CHRM2: variants seen among roughly 807,000 people sequenced by gnomAD.
CHRM2 encodes the protein muscarinic acetylcholine receptor M2.
CHRM2 carries 8 observed loss-of-function variants against 25.0 expected under a neutral mutation model. The ratio of observed to expected loss-of-function variants is 0.32; its 90% CI spans 0.19 to 0.58. The LOEUF (loss-of-function observed/expected upper bound fraction) is 0.58, where lower values mean the gene tolerates loss of function less well. Among genes scored for constraint, CHRM2 ranks in the 20% least tolerant of loss-of-function variants. The pLI is 0.88. For synonymous variants in CHRM2, 202 were observed against 205.7 expected (o/e 0.98, Z 0.15); for missense variants, 440 against 567.1 (o/e 0.78, Z 2.28).
intron 2 of CHRM2, among the ~76,000 whole-genome samples, chr7:136,878,599 A>C (rs1387049136): frequency 1.3e-5 from 2 of 152,042 alleles, no homozygotes; most frequent in Non-Finnish European, 2.9e-5. Flanking sequence ...GGCAACAAAA[A>C]CCACGAAATG....
At chr7:136,911,039 A>G (rs551429269) in intron 2 of CHRM2, among the ~76,000 whole-genome samples, 1 of 152,034 alleles carries the variant, frequency 6.6e-6, no homozygotes, top group South Asian at 2.1e-4. Flanking sequence ...CTTCCACTCA[A>G]ATAGGCTTAG....
intron 2 of CHRM2, among the ~76,000 whole-genome samples, chr7:136,940,153 C>T (rs1405895727): frequency 1.3e-5 from 2 of 152,270 alleles, no homozygotes; most frequent in African/African-American, 4.8e-5. Flanking sequence ...ACATTACCTG[C>T]TAAGTTTCAA....
At chr7:137,003,179 C>A (rs1804168615) in intron 3 of CHRM2, among the ~76,000 whole-genome samples, 1 of 152,070 alleles carries the variant, frequency 6.6e-6, no homozygotes, top group South Asian at 2.1e-4. Context: ...TTTCTGCCAG[C>A]AAATCTCTTA....
At chr7:136,968,140 C>A (rs1329437688) in intron 2 of CHRM2, among the ~76,000 whole-genome samples, 1 of 151,946 alleles carries the variant, frequency 6.6e-6, no homozygotes, top group East Asian at 1.9e-4. Flanking sequence ...AGCGTATTCA[C>A]CACCTCACAT....
chr7:136,902,293 G>T (rs1247946571), intron 2 of CHRM2: 1 of 151,808 alleles, frequency 6.6e-6, no homozygotes, highest in Non-Finnish European at 1.5e-5. Flanking sequence ...GCAGTCAGTT[G>T]CTAGTTATTA....
intron 2 of CHRM2, among the ~76,000 whole-genome samples, chr7:136,898,037 C>A (rs1484174879): frequency 6.6e-6 from 1 of 152,122 alleles, no homozygotes; most frequent in Non-Finnish European, 1.5e-5. Flanking sequence ...AATGGCCACA[C>A]AGTGATGGCA....
intron 2 of CHRM2, among the ~76,000 whole-genome samples, chr7:136,941,585 A>C (rs1554421653): frequency 6.6e-6 from 1 of 152,122 alleles, no homozygotes; most frequent in South Asian, 2.1e-4. Context: ...ATCTTTTCCT[A>C]TCCTGTTATT....
At chr7:136,878,559 G>A (rs1182875757) in intron 2 of CHRM2, among the ~76,000 whole-genome samples, 2 of 151,684 alleles carry the variant, frequency 1.3e-5, no homozygotes, top group Admixed American at 6.6e-5. Flanking sequence ...CAGAATTTGG[G>A]GTGAGATACT....
intron 2 of CHRM2, among the ~76,000 whole-genome samples, chr7:136,976,035 A>C (rs985004001): frequency 2.0e-5 from 3 of 152,160 alleles, no homozygotes; most frequent in African/African-American, 7.2e-5. Context: ...ACTTCCAAAG[A>C]AGTTAAATTA....
At chr7:136,969,065 G>A (rs577400562) in intron 2 of CHRM2, among the ~76,000 whole-genome samples, 1 of 152,194 alleles carries the variant, frequency 6.6e-6, no homozygotes, top group Non-Finnish European at 1.5e-5. Flanking sequence ...CTTTAAGGAA[G>A]TAGAGAAATT....
chr7:136,990,397 G>A (rs920640981), intron 2 of CHRM2, among the ~76,000 whole-genome samples: 1 of 151,898 alleles, frequency 6.6e-6, no homozygotes, highest in Non-Finnish European at 1.5e-5. Flanking sequence ...GGCAATTTCT[G>A]CCCACCATTG....
intron 2 of CHRM2, among the ~76,000 whole-genome samples, chr7:136,950,343 GA>G (rs901909797): frequency 7.2e-5 from 11 of 152,088 alleles, no homozygotes; most frequent in Admixed American, 5.9e-4. Context: ...TCATAATGGG[GA>G]TGGATCCCCC....
rs182297042 is a variant in CHRM2 at position 136,972,321 on chromosome 7, C to T, written c.-124-19866C>T. Among the ~76,000 whole-genome samples, 15 of 152,266 alleles carry T rather than the reference C, an allele frequency of 9.9e-5. No individual in the cohort carries two copies. In the East Asian group the frequency reaches 2.7e-3, roughly 27 times the overall value. On this transcript the variant is annotated intron_variant, in intron 2 of 3. Transcript: ENST00000680005. ...TCTGGTATCTCTGTTCATTTTAAGG[C>T]TGTTTCATCTGTCCTTCCTTGAATC...
At chr7:136,967,381 T>C (rs1245612883) in intron 2 of CHRM2, among the ~76,000 whole-genome samples, 2 of 151,982 alleles carry the variant, frequency 1.3e-5, no homozygotes, top group South Asian at 2.1e-4. Context: ...ATAATCTACA[T>C]AGGGGAGAGA....
chr7:136,889,047 CAAAAAA>C (rs56915229), intron 2 of CHRM2, among the ~76,000 whole-genome samples: 16,661 of 65,586 alleles, frequency 0.25, 1,119 homozygotes, highest in Middle Eastern at 0.45. Flanking sequence ...GACTACATCT[CAAAAAA>C]AAAAAAAAAA....
At chr7:136,875,127 A>C (rs992350717) in intron 2 of CHRM2, among the ~76,000 whole-genome samples, 1 of 150,336 alleles carries the variant, frequency 6.7e-6, no homozygotes, top group Non-Finnish European at 1.5e-5. Context: ...ACATATATAC[A>C]TATATATACA....
At chr7:136,920,510 T>C (rs1421377357) in intron 2 of CHRM2, among the ~76,000 whole-genome samples, 1 of 152,130 alleles carries the variant, frequency 6.6e-6, no homozygotes, top group East Asian at 1.9e-4. Flanking sequence ...GATGGCATAT[T>C]GAAACTGCAG....
intron 2 of CHRM2, among the ~76,000 whole-genome samples, chr7:136,875,383 C>T (rs1458340267): frequency 6.6e-6 from 1 of 152,002 alleles, no homozygotes; most frequent in Non-Finnish European, 1.5e-5. Flanking sequence ...GGTTGATATG[C>T]TATAAACATA....
At chr7:137,007,906 T>C (rs568957679) in intron 3 of CHRM2, among the ~76,000 whole-genome samples, 3 of 152,270 alleles carry the variant, frequency 2.0e-5, no homozygotes, top group African/African-American at 7.2e-5. Flanking sequence ...TTTTCATGTC[T>C]TTCTCTCTGG....
Sources: allele counts gnomAD v4.1 joint callset (sites outside exome capture counted in the v4.1 genomes callset), GRCh38; gene constraint gnomAD v4.1.1; transcripts MANE v1.5; gene names NCBI Gene and HGNC (gene_info 2026-07-23, HGNC 2026-07-21).